ERC1: variants seen among roughly 807,000 people sequenced by gnomAD.
The protein encoded by ERC1 is RAB6 interacting protein 2.
ERC1 carries 56 observed loss-of-function variants against 132.0 expected under a neutral mutation model. That is an observed-to-expected ratio of 0.42 (90% CI 0.34 to 0.53). ERC1 has a LOEUF of 0.53. ERC1 is among the 20% of genes least tolerant of loss of function. The pLI, the probability that ERC1 is intolerant of heterozygous loss-of-function variation, is 0.03. For missense variants in ERC1, 1,202 were observed against 1,349.9 expected, an observed-to-expected ratio of 0.89 and a Z score of 1.72; for synonymous variants, 478 against 476.1, an observed-to-expected ratio of 1.00 and a Z score of -0.05.
intron 8 of ERC1, among the ~76,000 whole-genome samples, chr12:1,143,359 TGTGTGTG>T: frequency 6.7e-6 from 1 of 149,972 alleles, no homozygotes; most frequent in South Asian, 2.1e-4. Flanking sequence ...TGTGTGTGTG[TGTGTGTG>T]TGTGTGTGTG....
At chr12:1,274,945 A>T (rs1376043500) in intron 14 of ERC1, among the ~76,000 whole-genome samples, 1 of 152,246 alleles carries the variant, frequency 6.6e-6, no homozygotes, top group Non-Finnish European at 1.5e-5. Flanking sequence ...ATAGTTCGGA[A>T]ATCAAAAGAA....
intron 15 of ERC1, among the ~76,000 whole-genome samples, chr12:1,326,764 T>A (rs1462356664): frequency 6.6e-6 from 1 of 152,220 alleles, no homozygotes; most frequent in Non-Finnish European, 1.5e-5. Context: ...AACTTATTAT[T>A]TCTCCCTCTT....
In ERC1 at chr12:1,438,622, A is replaced by T. The variant is rs76637154; in HGVS notation, c.3025-5940A>T. 4.4e-3 allele frequency among the ~76,000 whole-genome samples: 664 copies of T among 152,308 alleles called. 8 individuals are homozygous for T. Among genetic ancestry groups the T allele is most frequent in the African/African-American group, 0.014 (599 of 41,556 alleles). Reference sequence around the variant, plus strand: ...TAATTTGCCAGGAAGACAATAAGTCATCAATAAATGTTAGCTTTAAAAAAA... The same window carrying T: ...TAATTTGCCAGGAAGACAATAAGTCTTCAATAAATGTTAGCTTTAAAAAAA... On this transcript the variant is annotated intron_variant, in intron 17 of 18. Coordinates refer to ENST00000360905, the MANE Select transcript of ERC1 (RefSeq NM_178040.4).
intron 15 of ERC1, among the ~76,000 whole-genome samples, chr12:1,332,280 C>G (rs1484333645): frequency 2.0e-5 from 3 of 152,176 alleles, no homozygotes; most frequent in African/African-American, 7.2e-5. Context: ...CCTGCTGTAT[C>G]TGTTTTGTAG....
At chr12:1,180,444 C>G in intron 8 of ERC1, 96 bp from the exon 9 acceptor site, 1 of 1,145,618 alleles carries the variant, frequency 8.7e-7, no homozygotes, top group South Asian at 1.4e-5. Context: ...ACAGACAACC[C>G]TGAGCTATCT....
intron 16 of ERC1, among the ~76,000 whole-genome samples, chr12:1,399,230 G>A (rs1461185186): frequency 2.1e-4 from 32 of 152,076 alleles, no homozygotes; most frequent in Non-Finnish European, 3.8e-4. Flanking sequence ...GGGATTACAC[G>A]TGTGAGCCAT....
chr12:1,031,988 G>T (rs904969918), intron 2 of ERC1, among the ~76,000 whole-genome samples: 13 of 152,112 alleles, frequency 8.5e-5, no homozygotes, highest in African/African-American at 2.2e-4. Flanking sequence ...AGCTTCTCTG[G>T]TGGTTCTGAT....
intron 2 of ERC1, among the ~76,000 whole-genome samples, chr12:1,071,338 T>A (rs1438771134): frequency 1.3e-5 from 2 of 152,232 alleles, no homozygotes; most frequent in Non-Finnish European, 2.9e-5. Flanking sequence ...TTGTTAATTG[T>A]CTAAATTTTA....
At chr12:1,076,902 T>C (rs1941442641) in intron 2 of ERC1, among the ~76,000 whole-genome samples, 1 of 152,182 alleles carries the variant, frequency 6.6e-6, no homozygotes, top group South Asian at 2.1e-4. Flanking sequence ...AAGAATTAAA[T>C]TGCAGATCAG....
At chr12:1,348,384 G>A (rs1480214740) in intron 15 of ERC1, among the ~76,000 whole-genome samples, 1 of 152,114 alleles carries the variant, frequency 6.6e-6, no homozygotes, top group East Asian at 1.9e-4. Context: ...TCAGCTTAAG[G>A]GGAAAAAATG....
intron 1 of ERC1, among the ~76,000 whole-genome samples, chr12:1,022,202 C>T (rs993525242): frequency 1.3e-5 from 2 of 152,138 alleles, no homozygotes; most frequent in African/African-American, 4.8e-5. Flanking sequence ...CAGGCACAGG[C>T]TATTGTGCCT....
intron 1 of ERC1, among the ~76,000 whole-genome samples, chr12:1,006,038 A>G (rs2154135210): frequency 6.6e-6 from 1 of 151,646 alleles, no homozygotes; most frequent in Admixed American, 6.6e-5. Flanking sequence ...GCTCACTGCA[A>G]CCTCTGCTTC....
intron 13 of ERC1, among the ~76,000 whole-genome samples, chr12:1,242,219 T>C (rs984353519): frequency 6.6e-6 from 1 of 152,184 alleles, no homozygotes; most frequent in East Asian, 1.9e-4. Flanking sequence ...AAACTTTTTT[T>C]CTAGGTAAAT....
intron 12 of ERC1, 146 bp downstream of exon 12, chr12:1,190,198 G>T: frequency 1.2e-6 from 1 of 805,864 alleles, no homozygotes; most frequent in Non-Finnish European, 2.2e-6. Flanking sequence ...CTTTTTTCTA[G>T]GTCAGTTGTA....
At chr12:1,373,252 T>G (rs527415932) in intron 16 of ERC1, among the ~76,000 whole-genome samples, 8 of 152,328 alleles carry the variant, frequency 5.3e-5, no homozygotes, top group African/African-American at 1.7e-4. Flanking sequence ...AATAGCAAAT[T>G]GGAGGATATT....
chr12:1,195,103 CACA>C (rs965237645), intron 12 of ERC1, among the ~76,000 whole-genome samples: 2 of 151,962 alleles, frequency 1.3e-5, no homozygotes, highest in African/African-American at 4.8e-5. Flanking sequence ...CTAAAAAAAC[CACA>C]ACAACTTTGA....
chr12:1,125,880 AAGG>A (rs896656579), intron 7 of ERC1, among the ~76,000 whole-genome samples: 2 of 152,230 alleles, frequency 1.3e-5, no homozygotes, highest in African/African-American at 2.4e-5. Flanking sequence ...TAAATTTTGT[AAGG>A]AGGAGTTACA....
chr12:1,222,937 T>C (rs2074287059), intron 12 of ERC1, among the ~76,000 whole-genome samples: 1 of 152,244 alleles, frequency 6.6e-6, no homozygotes, highest in South Asian at 2.1e-4. Flanking sequence ...TATTTATTTT[T>C]TAGTAATTCC....
chr12:1,040,233 G>C (rs1446900664), intron 2 of ERC1, among the ~76,000 whole-genome samples: 1 of 151,984 alleles, frequency 6.6e-6, no homozygotes, highest in Non-Finnish European at 1.5e-5. Context: ...TTCCCTTATG[G>C]ACAAGATTAG....
Sources: gnomAD v4.1 joint callset for allele counts (sites outside exome capture counted in the v4.1 genomes callset) on GRCh38, gnomAD v4.1.1 for gene constraint, MANE v1.5 for transcripts, NCBI Gene and HGNC (gene_info 2026-07-23, HGNC 2026-07-21) for gene names.